NCOA2: variants seen among roughly 807,000 people sequenced by gnomAD.
NCOA2 encodes class E basic helix-loop-helix protein 75.
In NCOA2, 21 loss-of-function variants were observed where a neutral mutation model predicts 145.1. That is an observed-to-expected ratio of 0.14 (90% CI 0.10 to 0.21). The LOEUF is 0.21. Ranked by LOEUF, NCOA2 falls within the 10% of genes least tolerant of loss-of-function variation. The probability of loss-of-function intolerance (pLI) is 1.00; values close to 1 mark genes in which losing one functional copy is unlikely to be tolerated. For missense variants in NCOA2, 1,472 were observed against 1,837.6 expected, an observed-to-expected ratio of 0.80 and a Z score of 3.64; for synonymous variants, 619 against 637.5, an observed-to-expected ratio of 0.97 and a Z score of 0.44.
intron 1 of NCOA2, among the ~76,000 whole-genome samples, chr8:70,392,009 CCA>C (rs1490125007): frequency 7.2e-5 from 11 of 152,162 alleles, no homozygotes; most frequent in Admixed American, 5.2e-4. Context: ...ATACTCACAA[CCA>C]CACCGTGGAG....
intron 2 of NCOA2, among the ~76,000 whole-genome samples, chr8:70,271,983 T>C (rs1825088125): frequency 1.3e-5 from 2 of 152,162 alleles, no homozygotes; most frequent in Admixed American, 1.3e-4. Flanking sequence ...GATTGAAAAA[T>C]TGTAGGAATT....
intron 1 of NCOA2, among the ~76,000 whole-genome samples, chr8:70,396,134 A>T (rs1280349601): frequency 6.6e-6 from 1 of 152,252 alleles, no homozygotes; most frequent in Non-Finnish European, 1.5e-5. Flanking sequence ...ATTACAAAAC[A>T]TCTGCAAAAC....
intron 1 of NCOA2, chr8:70,357,371 T>G (rs1358755186): frequency 6.6e-6 from 1 of 152,266 alleles, no homozygotes; most frequent in Non-Finnish European, 1.5e-5. Context: ...CAGTGGTGTT[T>G]ACAACTAACT....
Position 70,353,304 on chromosome 8 carries a change from C to T in NCOA2, c.-77+50396G>A, listed in dbSNP as rs1415674164. 5.3e-5 allele frequency among the ~76,000 whole-genome samples: 8 copies of T among 150,864 alleles called. No individual in the cohort carries two copies. In the East Asian group the frequency reaches 1.6e-3, roughly 30 times the overall value. ...TCCCTCTGTCACCCAGGCTGAAGTG[C>T]AGTGGCACAATCACAGCTCAATGAA... On this transcript the variant is annotated intron_variant, in intron 1 of 22. Coordinates refer to ENST00000452400, the MANE Select transcript of NCOA2 (RefSeq NM_006540.4).
At position 70,389,221 on chromosome 8, in the gene NCOA2, T is replaced by C. The variant is rs554928332; in HGVS notation, c.-77+14479A>G. ...CAAGCTACTATCACATCTGTTTGGGTTGTAGCAGAGCCACTCAGTGTGCAA... is the reference window on the plus strand; with the variant it reads ...CAAGCTACTATCACATCTGTTTGGGCTGTAGCAGAGCCACTCAGTGTGCAA... On this transcript the variant is annotated intron_variant, in intron 1 of 22. Transcript: ENST00000452400. Among the ~76,000 whole-genome samples, 35 of 152,290 alleles carry C rather than the reference T, an allele frequency of 2.3e-4. No individual in the cohort carries two copies. In the South Asian group the frequency reaches 7.0e-3, roughly 31 times the overall value.
chr8:70,296,467 A>G (rs1057077311), intron 2 of NCOA2, among the ~76,000 whole-genome samples: 1 of 152,220 alleles, frequency 6.6e-6, no homozygotes, highest in Non-Finnish European at 1.5e-5. Flanking sequence ...AAATTAGAAT[A>G]AACTGTAATC....
chr8:70,154,211 A>C (rs1293803386), intron 11 of NCOA2, among the ~76,000 whole-genome samples: 1 of 152,220 alleles, frequency 6.6e-6, no homozygotes, highest in African/African-American at 2.4e-5. Context: ...TTCAAGGACA[A>C]ACCTTGAGTC....
chr8:70,249,963 C>CAAAAAAAAAAA (rs747018939), intron 2 of NCOA2, among the ~76,000 whole-genome samples: 9 of 75,068 alleles, frequency 1.2e-4, no homozygotes, highest in Non-Finnish European at 2.2e-4. Context: ...AATCTGCCTC[C>CAAAAAAAAAAA]AAAAAAAAAA....
At chr8:70,455,988 A>G in the NCOA2 span, among the ~76,000 whole-genome samples, 38 of 152,094 alleles carry the variant, frequency 2.5e-4, no homozygotes, top group Middle Eastern at 3.4e-3. Flanking sequence ...TATCTCAAAA[A>G]TCCCAAAGCA....
chr8:70,345,673 AT>A (rs1018271477), intron 1 of NCOA2, among the ~76,000 whole-genome samples: 1 of 152,146 alleles, frequency 6.6e-6, no homozygotes, highest in South Asian at 2.1e-4. Flanking sequence ...CAAATCACAG[AT>A]TTTTTTTAAT....
intron 2 of NCOA2, among the ~76,000 whole-genome samples, chr8:70,251,927 G>A (rs1285504003): frequency 1.3e-5 from 2 of 152,072 alleles, no homozygotes; most frequent in East Asian, 3.8e-4. Flanking sequence ...TTGGTTCCAG[G>A]ACCTCCCATG....
At chr8:70,180,686 T>C (rs1815374916) in intron 4 of NCOA2, among the ~76,000 whole-genome samples, 1 of 152,190 alleles carries the variant, frequency 6.6e-6, no homozygotes, top group Non-Finnish European at 1.5e-5. Flanking sequence ...CAGGCATAAA[T>C]CTGTTATTTA....
In NCOA2 at chr8:70,128,825, T is replaced by C. The variant is rs1031977876; in HGVS notation, c.3480A>G (p.Gly1160=). ...GGAGTGTGGCATAACTAGGCCGCTG[T>C]CCCATGGTGTGAAAGTTTGGATCTT... ...PMQDPNFHTM[G]QRPSYATLRM... The change falls in exon 17 of 23, where the codon GGA becomes GGG. Residue 1160 remains glycine, a synonymous_variant. Coordinates refer to ENST00000452400, the MANE Select transcript of NCOA2 (RefSeq NM_006540.4). 1.2e-6 allele frequency: 2 copies of C among 1,614,026 alleles called. No individual in the cohort carries two copies. Among genetic ancestry groups the C allele is most frequent in the Admixed American group, 3.3e-5 (2 of 60,022 alleles).
At chr8:70,291,087 A>C (rs887003691) in intron 2 of NCOA2, among the ~76,000 whole-genome samples, 1 of 152,198 alleles carries the variant, frequency 6.6e-6, no homozygotes, top group African/African-American at 2.4e-5. Context: ...GAAGCTAACA[A>C]CTGTACCACC....
In NCOA2 at chr8:70,232,044, G is replaced by A. The variant is rs184187684; in HGVS notation, c.-19-15280C>T. ...ACGAAGTTCACCTCCCCTCCACTTC[G>A]GCCGCTGCCTTCTATAATCATGCCC... On this transcript the variant is annotated intron_variant, in intron 2 of 22. Coordinates refer to ENST00000452400, the MANE Select transcript of NCOA2 (RefSeq NM_006540.4). Among the ~76,000 whole-genome samples the A allele has an allele frequency of 2.0e-3, 310 of 152,130 alleles. 1 individual carries two copies. Among genetic ancestry groups the A allele is most frequent in the African/African-American group, 6.9e-3 (285 of 41,496 alleles).
the NCOA2 span, among the ~76,000 whole-genome samples, chr8:70,444,935 T>C: frequency 7.9e-5 from 12 of 152,370 alleles, no homozygotes; most frequent in African/African-American, 2.9e-4. Context: ...TTAATTTCTT[T>C]CACTTATTAG....
At chr8:70,379,836 G>A (rs949783691) in intron 1 of NCOA2, among the ~76,000 whole-genome samples, 1 of 149,358 alleles carries the variant, frequency 6.7e-6, no homozygotes, top group Admixed American at 6.7e-5. Context: ...TATCGTTTCT[G>A]TATCATGCTT....
chr8:70,145,125 TTTCA>T (rs144420333), intron 12 of NCOA2, among the ~76,000 whole-genome samples: 5 of 151,942 alleles, frequency 3.3e-5, no homozygotes, highest in Admixed American at 6.6e-5. Flanking sequence ...CCAATAGTAA[TTTCA>T]TTCATTCATT....
chr8:70,402,753 C>A (rs911321527), intron 1 of NCOA2, among the ~76,000 whole-genome samples: 2 of 151,808 alleles, frequency 1.3e-5, no homozygotes, highest in African/African-American at 4.8e-5. Context: ...GCGAGCCAAC[C>A]CGGAACCTCC....
Sources: gnomAD v4.1 joint callset for allele counts (sites outside exome capture counted in the v4.1 genomes callset) on GRCh38, gnomAD v4.1.1 for gene constraint, MANE v1.5 for transcripts, NCBI Gene and HGNC (gene_info 2026-07-23, HGNC 2026-07-21) for gene names.